MDM4: variants seen among roughly 807,000 people sequenced by gnomAD.
MDM4 encodes protein Mdm4.
In MDM4, 2 loss-of-function variants were observed where a neutral mutation model predicts 60.2. The ratio of observed to expected loss-of-function variants is 0.03; its 90% CI spans 0.01 to 0.10. The LOEUF (loss-of-function observed/expected upper bound fraction) is 0.10. Ranked by LOEUF, MDM4 falls within the 10% of genes least tolerant of loss-of-function variation. MDM4 has a pLI of 1.00. For missense variants in MDM4, 447 were observed against 577.5 expected (o/e 0.77, Z 2.32); for synonymous variants, 202 against 198.1 (o/e 1.02, Z -0.17).
At chr1:204,544,811 T>C in intron 9 of MDM4, 127 bp downstream of exon 9, 1 of 895,090 alleles carries the variant, frequency 1.1e-6, no homozygotes, top group Non-Finnish European at 1.6e-6. Flanking sequence ...TAATTAATTT[T>C]TCAATCCAAT....
At position 204,529,660 on chromosome 1, in the gene MDM4, T is replaced by A. The variant is rs1660654784; in HGVS notation, c.154-1024T>A. The A allele has an allele frequency of 4.1e-6, 3 of 728,888 alleles. 1 individual carries two copies. In the South Asian group the frequency reaches 6.2e-5, roughly 15 times the overall value. The allele number at this position is 728,888 out of a possible 1,614,324, so 45.2% of individuals were successfully genotyped here. ...GGGTTCCTGGCGCTTGCCCTGCATC[T>A]CCAGGGCAGCCCCGCCCATACAGAT... is the stretch of plus-strand genomic sequence containing the variant. On this transcript the variant is annotated intron_variant, in intron 3 of 10. Coordinates refer to ENST00000367182, the MANE Select transcript of MDM4 (RefSeq NM_002393.5).
intron 9 of MDM4, among the ~76,000 whole-genome samples, chr1:204,545,051 TTA>T (rs1453384285): frequency 1.1e-4 from 16 of 152,224 alleles, no homozygotes; most frequent in South Asian, 2.1e-4. Context: ...TTAAAAAACA[TTA>T]TGAGTTTTCT....
Position 204,554,022 on chromosome 1 carries a change from G to A in MDM4, c.*4340G>A, listed in dbSNP as rs990521402. 9 of 225,954 alleles carry A rather than the reference G, an allele frequency of 4.0e-5. No individual in the cohort carries two copies. Among genetic ancestry groups the A allele is most frequent in the African/African-American group, 1.6e-4 (7 of 44,962 alleles). 14.0% of individuals were successfully genotyped at this position (225,954 alleles called of 1,614,324 possible). ...GTGTTTTAATTATAATTTATGTATAGTTAGATGTATGTAGTGCATTGTGTG... is the reference window on the plus strand; with the variant it reads ...GTGTTTTAATTATAATTTATGTATAATTAGATGTATGTAGTGCATTGTGTG... On this transcript the variant is annotated 3_prime_UTR_variant, in exon 11 of 11. Transcript: ENST00000367182.
At chr1:204,543,078 T>C in intron 8 of MDM4, 134 bp downstream of exon 8, 2 of 701,766 alleles carry the variant, frequency 2.8e-6, no homozygotes, top group Non-Finnish European at 4.6e-6. Context: ...TCTGTATGCA[T>C]GTGATACCCA....
In MDM4 at chr1:204,553,695, C is replaced by T. The variant is rs752733638; in HGVS notation, c.*4013C>T. On this transcript the variant is annotated 3_prime_UTR_variant, in exon 11 of 11. Coordinates refer to ENST00000367182, the MANE Select transcript of MDM4 (RefSeq NM_002393.5). ...CAGAGATGACAAATCATTAGAACAA[C>T]GATGAATTTCAGTATTACGGCTAAA... is the stretch of plus-strand genomic sequence containing the variant. 10 of 226,816 alleles carry T rather than the reference C, an allele frequency of 4.4e-5. No individual in the cohort carries two copies. Among genetic ancestry groups the T allele is most frequent in the East Asian group, 3.2e-4 (5 of 15,694 alleles). The allele number at this position is 226,816 out of a possible 1,614,324, so 14.1% of individuals were successfully genotyped here.
Position 204,535,186 on chromosome 1 carries a change from C to T in MDM4, c.344-2244C>T, listed in dbSNP as rs1468537033. On this transcript the variant is annotated intron_variant, in intron 5 of 10. Coordinates refer to ENST00000367182, the MANE Select transcript of MDM4 (RefSeq NM_002393.5). ...TTTTTTTTTTTTTTTGAGATGGAGT[C>T]TCGCTCTGTCGCCTAGGCTGGAGTG... Among the ~76,000 whole-genome samples, 10 of 135,344 alleles carry T rather than the reference C, an allele frequency of 7.4e-5. No homozygotes were observed. In the East Asian group the frequency reaches 2.0e-3, roughly 27 times the overall value. 88.8% of individuals were successfully genotyped at this position (135,344 alleles called of 152,430 possible). A position where few individuals can be genotyped will look rare whatever the true frequency, so the allele number is the denominator to read the frequency against.
At chr1:204,531,945 C>T (rs953712212) in intron 4 of MDM4, among the ~76,000 whole-genome samples, 7 of 152,054 alleles carry the variant, frequency 4.6e-5, no homozygotes, top group African/African-American at 1.7e-4. Context: ...TTACTGTTCG[C>T]TAATGAAATA....
In MDM4 at chr1:204,554,634, GA is replaced by G. The variant is rs1663425605; in HGVS notation, c.*4953del. On this transcript the variant is annotated 3_prime_UTR_variant, in exon 11 of 11. Transcript: ENST00000367182. ...GTAAACAAGTTGAAGTTTAGCAGAT[GA>G]GGGGGAATATTGAGGCCCCTAAGGC... 1 of 227,670 alleles carries G rather than the reference GA, an allele frequency of 4.4e-6. No homozygotes were observed. The highest frequency in any genetic ancestry group is 8.7e-6 in the Non-Finnish European group (1 of 114,674). 14.1% of individuals were successfully genotyped at this position (227,670 alleles called of 1,614,324 possible).
At chr1:204,533,248 T>G (rs962146357) in intron 5 of MDM4, among the ~76,000 whole-genome samples, 7 of 152,254 alleles carry the variant, frequency 4.6e-5, no homozygotes, top group African/African-American at 1.4e-4. Flanking sequence ...CTGGACAGAC[T>G]GAACATAGCC....
chr1:204,545,179 C>T (rs1662528464), intron 9 of MDM4, among the ~76,000 whole-genome samples: 2 of 152,192 alleles, frequency 1.3e-5, no homozygotes, highest in South Asian at 4.1e-4. Flanking sequence ...TTGGACACCC[C>T]TGTTGTAAAT....
intron 1 of MDM4, among the ~76,000 whole-genome samples, chr1:204,516,876 C>CT (rs1401466974): frequency 6.6e-6 from 1 of 152,160 alleles, no homozygotes; most frequent in Non-Finnish European, 1.5e-5. Context: ...ATTGACGTGT[C>CT]TTAAGTTTTT....
rs4252691 is a variant in MDM4, at chr1:204,529,348, C to T, written c.154-1336C>T. ...GACTGGAACCAGGAGTAGGCCTCAT[C>T]CATATTGGGAGGGGAGCCACCCTGT... On this transcript the variant is annotated intron_variant, in intron 3 of 10. Transcript: ENST00000367182. The T allele has an allele frequency of 7.7e-3, 6,306 of 814,182 alleles. 59 individuals carry two copies. Among genetic ancestry groups the T allele is most frequent in the South Asian group, 9.0e-3 (645 of 71,676 alleles). 50.4% of individuals were successfully genotyped at this position (814,182 alleles called of 1,614,324 possible). A position where few individuals can be genotyped will look rare whatever the true frequency, so the allele number is the denominator to read the frequency against.
At chr1:204,534,785 C>T (rs751824667) in intron 5 of MDM4, among the ~76,000 whole-genome samples, 6 of 152,128 alleles carry the variant, frequency 3.9e-5, no homozygotes, top group Non-Finnish European at 7.4e-5. Flanking sequence ...AGCCACCATG[C>T]GTGGCCCATT....
In MDM4 at chr1:204,555,057, T is replaced by G. The variant is rs554158465; in HGVS notation, c.*5375T>G. ...AGCTAATATTTTTTGGTACTTTATC[T>G]GAAATCCAAGATGCTGCTTCCCCTG... On this transcript the variant is annotated 3_prime_UTR_variant, in exon 11 of 11. Coordinates refer to ENST00000367182, the MANE Select transcript of MDM4 (RefSeq NM_002393.5). The G allele has an allele frequency of 1.6e-4, 34 of 215,878 alleles. No homozygotes were observed. The highest frequency in any genetic ancestry group is 1.3e-3 in the Admixed American group (22 of 17,182). The allele number at this position is 215,878 out of a possible 1,614,324, so 13.4% of individuals were successfully genotyped here. A position where few individuals can be genotyped will look rare whatever the true frequency, so the allele number is the denominator to read the frequency against.
chr1:204,529,191 G>T, intron 3 of MDM4: 1 of 772,410 alleles, frequency 1.3e-6, no homozygotes, highest in Non-Finnish European at 2.3e-6. Context: ...CATTTATGTG[G>T]CCTGATTAGG....
At chr1:204,531,443 G>A (rs939108061) in intron 4 of MDM4, among the ~76,000 whole-genome samples, 3 of 152,170 alleles carry the variant, frequency 2.0e-5, no homozygotes, top group Non-Finnish European at 4.4e-5. Context: ...TAAGTTATTA[G>A]CTTATATAGT....
intron 1 of MDM4, among the ~76,000 whole-genome samples, chr1:204,520,528 G>A (rs1445475815): frequency 6.6e-6 from 1 of 152,100 alleles, no homozygotes; most frequent in Non-Finnish European, 1.5e-5. Flanking sequence ...AAATGGGATG[G>A]GGGATATTAT....
rs529912144 is a variant in MDM4 at position 204,519,598 on chromosome 1, C to T, written c.-36+3089C>T. Among the ~76,000 whole-genome samples, 86 of 152,206 alleles carry T rather than the reference C, an allele frequency of 5.7e-4. 1 individual carries two copies. Among genetic ancestry groups the T allele is most frequent in the African/African-American group, 1.9e-3 (77 of 41,540 alleles). On this transcript the variant is annotated intron_variant, in intron 1 of 10. Coordinates refer to ENST00000367182, the MANE Select transcript of MDM4 (RefSeq NM_002393.5). Reference sequence around the variant, plus strand: ...GTGGCTCATGCCTGTAATCCCAGCACTTTGGGAGGCTGAAAAGGATTGCTT... The same window carrying T: ...GTGGCTCATGCCTGTAATCCCAGCATTTTGGGAGGCTGAAAAGGATTGCTT...
At chr1:204,541,425 G>A (rs1180805556) in intron 7 of MDM4, among the ~76,000 whole-genome samples, 2 of 152,190 alleles carry the variant, frequency 1.3e-5, no homozygotes, top group African/African-American at 2.4e-5. Flanking sequence ...GGAGGTTGCA[G>A]TGAATCAATA....
Sources: allele counts gnomAD v4.1 joint callset (sites outside exome capture counted in the v4.1 genomes callset), GRCh38; gene constraint gnomAD v4.1.1; transcripts MANE v1.5; gene names NCBI Gene and HGNC (gene_info 2026-07-23, HGNC 2026-07-21).